Variants in EXOC4 observed in about 807,000 individuals in gnomAD.
The protein encoded by EXOC4 is SEC8-like 1.
EXOC4 carries 71 observed loss-of-function variants against 107.2 expected under a neutral mutation model. The ratio of observed to expected loss-of-function variants is 0.66; its 90% CI spans 0.55 to 0.81. The LOEUF (loss-of-function observed/expected upper bound fraction) is 0.81. EXOC4 is among the 30% of genes least tolerant of loss of function. The probability of loss-of-function intolerance (pLI) is 0.00; values close to 1 mark genes in which losing one functional copy is unlikely to be tolerated. For missense variants in EXOC4, 1,108 were observed against 1,189.6 expected (o/e 0.93, Z 1.01); for synonymous variants, 456 against 441.2 (o/e 1.03, Z -0.42).
At chr7:133,895,392 C>T (rs1356330936) in intron 11 of EXOC4, among the ~76,000 whole-genome samples, 3 of 152,136 alleles carry the variant, frequency 2.0e-5, no homozygotes, top group Admixed American at 6.5e-5. Flanking sequence ...CCGTCTTCTG[C>T]GTCGCTCACG....
At chr7:133,511,930 A>G (rs933716676) in intron 9 of EXOC4, among the ~76,000 whole-genome samples, 7 of 152,138 alleles carry the variant, frequency 4.6e-5, no homozygotes, top group Non-Finnish European at 4.4e-5. Flanking sequence ...CGCCCTTCTC[A>G]TTCCTTCCCA....
chr7:133,273,411 G>A (rs1793919481), intron 1 of EXOC4, among the ~76,000 whole-genome samples: 1 of 152,140 alleles, frequency 6.6e-6, no homozygotes. Context: ...GAGGAAACAG[G>A]ATCTCTCATG....
intron 10 of EXOC4, among the ~76,000 whole-genome samples, chr7:133,783,324 G>T (rs1319088974): frequency 6.6e-6 from 1 of 152,140 alleles, no homozygotes; most frequent in Non-Finnish European, 1.5e-5. Flanking sequence ...GACATGTCCT[G>T]GGATCAGGGG....
chr7:133,432,869 T>C lies in EXOC4; in HGVS notation c.1183-42459T>C, dbSNP rs145422641. The stretch of plus-strand genomic sequence containing the variant: ...CTGCATAAAATATTGTCAATGCCAA[T>C]GTAAGGTAGACAGCTTAGCAAGTAC... On this transcript the variant is annotated intron_variant, in intron 7 of 17. Coordinates refer to ENST00000253861, the MANE Select transcript of EXOC4 (RefSeq NM_021807.4). 5.0e-3 allele frequency among the ~76,000 whole-genome samples: 755 copies of C among 152,310 alleles called. 5 individuals carry two copies. The highest frequency in any genetic ancestry group is 0.017 in the African/African-American group (702 of 41,540).
rs1320362788 is a variant in EXOC4, at chr7:133,253,123, G to T, written c.22G>T (p.Gly8Trp). Reference sequence around the variant, plus strand: ...CAAGATGGCGGCAGAAGCAGCTGGTGGGAAATACAGAAGCACAGTCAGCAA... The same window carrying T: ...CAAGATGGCGGCAGAAGCAGCTGGTTGGAAATACAGAAGCACAGTCAGCAA... MAAEAAG[G>W]KYRSTVSKSK... The change falls in exon 1 of 18, where the codon GGG becomes TGG. Residue 8 changes from glycine to tryptophan, a missense_variant. Physicochemically the swap from Gly to Trp is radical, Grantham distance 184 (BLOSUM62 -2). Coordinates refer to ENST00000253861, the MANE Select transcript of EXOC4 (RefSeq NM_021807.4). 1 of 1,614,160 alleles carries T rather than the reference G, an allele frequency of 6.2e-7. No homozygotes were observed. Among genetic ancestry groups the T allele is most frequent in the Admixed American group, 1.7e-5 (1 of 60,022 alleles).
intron 9 of EXOC4, among the ~76,000 whole-genome samples, chr7:133,598,925 A>C (rs1427716954): frequency 6.6e-6 from 1 of 152,174 alleles, no homozygotes; most frequent in Non-Finnish European, 1.5e-5. Flanking sequence ...CACAGGTTGC[A>C]GTGAGCCAAG....
At chr7:134,090,217 C>A in the EXOC4 span, among the ~76,000 whole-genome samples, 1 of 152,158 alleles carries the variant, frequency 6.6e-6, no homozygotes, top group Non-Finnish European at 1.5e-5. Context: ...GACTCATTCT[C>A]TAAGCCAGGA....
chr7:133,855,041 ATATATATCTAAATATATC>A, intron 11 of EXOC4, among the ~76,000 whole-genome samples: 4 of 75,108 alleles, frequency 5.3e-5, no homozygotes, highest in African/African-American at 1.5e-4. Context: ...ATCTAAATAT[ATATATATCTAAATATATC>A]TAAATATATC....
At chr7:133,257,456 A>T (rs950819635) in intron 1 of EXOC4, among the ~76,000 whole-genome samples, 2 of 152,206 alleles carry the variant, frequency 1.3e-5, no homozygotes, top group Non-Finnish European at 2.9e-5. Context: ...GGGAAGTCAG[A>T]GGAGGCAGCC....
At chr7:133,264,154 C>A (rs1793657214) in intron 1 of EXOC4, among the ~76,000 whole-genome samples, 1 of 152,162 alleles carries the variant, frequency 6.6e-6, no homozygotes. Flanking sequence ...CAGTTTTATG[C>A]CTTAGTGGGG....
At chr7:133,988,931 T>C (rs981253708) in intron 14 of EXOC4, among the ~76,000 whole-genome samples, 3 of 152,176 alleles carry the variant, frequency 2.0e-5, no homozygotes, top group African/African-American at 4.8e-5. Context: ...ATGTTATTTA[T>C]ACAAGAAATT....
chr7:133,962,502 C>T (rs539123594), intron 14 of EXOC4, among the ~76,000 whole-genome samples: 2 of 152,168 alleles, frequency 1.3e-5, no homozygotes, highest in Admixed American at 6.5e-5. Flanking sequence ...AGCTTCAGCC[C>T]GGGCAGAGAT....
At chr7:133,879,373 T>G (rs1333839223) in intron 11 of EXOC4, among the ~76,000 whole-genome samples, 1 of 152,152 alleles carries the variant, frequency 6.6e-6, no homozygotes, top group Non-Finnish European at 1.5e-5. Flanking sequence ...GGATTATGGG[T>G]ATGAGCCACC....
At chr7:134,091,220 A>G in the EXOC4 span, among the ~76,000 whole-genome samples, 1 of 152,226 alleles carries the variant, frequency 6.6e-6, no homozygotes. Context: ...TGGCTACTCC[A>G]TAGACAGAGC....
At chr7:133,553,881 T>C (rs529462375) in intron 9 of EXOC4, among the ~76,000 whole-genome samples, 7 of 152,316 alleles carry the variant, frequency 4.6e-5, no homozygotes, top group African/African-American at 1.7e-4. Flanking sequence ...CCTCCACCCA[T>C]GTCTATTCTT....
chr7:133,627,603 T>C (rs926734389), intron 9 of EXOC4, among the ~76,000 whole-genome samples: 1 of 152,206 alleles, frequency 6.6e-6, no homozygotes, highest in African/African-American at 2.4e-5. Context: ...AAAGGAAATA[T>C]GTTGTTAAAG....
chr7:133,517,882 C>T (rs1188270985), intron 9 of EXOC4, among the ~76,000 whole-genome samples: 1 of 152,108 alleles, frequency 6.6e-6, no homozygotes, highest in African/African-American at 2.4e-5. Context: ...TATCAGTTAG[C>T]TTTTACTACG....
Position 133,698,556 on chromosome 7 carries a change from CA to C in EXOC4, c.1514+68416del, listed in dbSNP as rs1794588642. ...AAAATCACGCCACGGCACTCCAGCA[CA>C]GACACCAGAGTGGTGTCAAAAAAAA... On this transcript the variant is annotated intron_variant, in intron 10 of 17. Coordinates refer to ENST00000253861, the MANE Select transcript of EXOC4 (RefSeq NM_021807.4). 2.3e-5 allele frequency among the ~76,000 whole-genome samples: 3 copies of C among 132,646 alleles called. No individual in the cohort carries two copies. In the South Asian group the frequency reaches 8.0e-4, roughly 35 times the overall value. The allele number at this position is 132,646 out of a possible 152,430, so 87.0% of individuals were successfully genotyped here.
At chr7:133,660,925 A>G (rs1012808873) in intron 10 of EXOC4, among the ~76,000 whole-genome samples, 2 of 152,216 alleles carry the variant, frequency 1.3e-5, no homozygotes, top group Non-Finnish European at 2.9e-5. Flanking sequence ...CTTAATTCTC[A>G]TAACAGTCAT....
Sources: allele counts gnomAD v4.1 joint callset (sites outside exome capture counted in the v4.1 genomes callset), GRCh38; gene constraint gnomAD v4.1.1; transcripts MANE v1.5; gene names NCBI Gene and HGNC (gene_info 2026-07-23, HGNC 2026-07-21).